The following SALL3 variants were observed in gnomAD, a reference collection of about 807,000 sequenced individuals.
SALL3 encodes the protein spalt like transcription factor 3, also known as sal-like protein 3.
A neutral mutation model predicts 66.2 loss-of-function variants in SALL3; 25 were observed. The observed-to-expected ratio is 0.38, with a 90% CI of 0.28 to 0.53. SALL3 has a LOEUF of 0.53. Among genes scored for constraint, SALL3 ranks in the 20% least tolerant of loss-of-function variants. The pLI is 0.85. For missense variants in SALL3, 2,194 were observed against 1,916.5 expected (o/e 1.14, Z -2.70); for synonymous variants, 1,152 against 899.1 (o/e 1.28, Z -5.03).
chr18:78,993,394 A>T lies in SALL3; in HGVS notation c.1403A>T (p.Gln468Leu). 3 of 1,612,684 alleles carry T rather than the reference A, an allele frequency of 1.9e-6. No individual in the cohort carries two copies. Among genetic ancestry groups the T allele is most frequent in the Non-Finnish European group, 2.5e-6 (3 of 1,179,882 alleles). ...STKGNLKVHF[Q>L]RHKEKYPHIQ... ...AAAGGCAACCTGAAGGTGCACTTCC[A>T]GAGGCACAAGGAGAAGTACCCCCAC... The change falls in exon 2 of 3, where the codon CAG (glutamine) becomes CTG (leucine). Residue 468 changes from glutamine (Q) to leucine (L), a missense_variant. Transcript: ENST00000537592.
rs774287520 is a variant in SALL3 at position 78,993,497 on chromosome 18, G to A, written c.1506G>A (p.Ser502=). ...GCTCGGGCATCCCCTACGGCATGTC[G>A]CTGCCCCCCGAGAAGCCCGTGACCA... ...PTCSGIPYGM[S]LPPEKPVTTW... is the part of the protein sequence containing the mutation. Residue 502 remains serine (S), a synonymous_variant, in exon 2 of 3, where the codon TCG becomes TCA. Transcript: ENST00000537592. The A allele has an allele frequency of 6.2e-6, 10 of 1,606,592 alleles. No individual in the cohort carries two copies. In the Admixed American group the frequency reaches 8.5e-5, roughly 14 times the overall value.
At chr18:78,988,600 C>T (rs1340773883) in intron 1 of SALL3, among the ~76,000 whole-genome samples, 1 of 152,162 alleles carries the variant, frequency 6.6e-6, no homozygotes, top group African/African-American at 2.4e-5. Context: ...AATTTCAATT[C>T]CATATGTGAT....
In SALL3 at chr18:78,980,111, C is replaced by T. The variant is rs976060628; in HGVS notation, c.-164C>T. 2.3e-4 allele frequency among the ~76,000 whole-genome samples: 34 copies of T among 146,092 alleles called. No homozygotes were observed. Among genetic ancestry groups the T allele is most frequent in the Non-Finnish European group, 4.1e-4 (27 of 65,766 alleles). On this transcript the variant is annotated 5_prime_UTR_variant, in exon 1 of 3. Coordinates refer to ENST00000537592, the MANE Select transcript of SALL3 (RefSeq NM_171999.4). Reference sequence around the variant, plus strand: ...ATCGGCGCGGCCCTCCGCTAATGGCCATGCATTATTCACCAGCCTAATTGC... The same window carrying T: ...ATCGGCGCGGCCCTCCGCTAATGGCTATGCATTATTCACCAGCCTAATTGC...
intron 2 of SALL3, among the ~76,000 whole-genome samples, chr18:78,996,181 C>G (rs1307295166): frequency 1.3e-5 from 2 of 152,198 alleles, no homozygotes; most frequent in Admixed American, 1.3e-4. Context: ...GTGCAGTGTT[C>G]CTGTATGAGA....
chr18:78,998,178 C>G lies in SALL3; in HGVS notation c.*856C>G, dbSNP rs912077361. ...GTTGTGAGAAAATATTTCACATTAT[C>G]AAAGCTGTACAATAAAAAGGTAATG... On this transcript the variant is annotated 3_prime_UTR_variant, in exon 3 of 3. Coordinates refer to ENST00000537592, the MANE Select transcript of SALL3 (RefSeq NM_171999.4). 1 of 152,390 alleles carries G rather than the reference C, an allele frequency of 6.6e-6. No individual in the cohort carries two copies. Among genetic ancestry groups the G allele is most frequent in the Non-Finnish European group, 1.5e-5 (1 of 68,022 alleles). The allele number at this position is 152,390 out of a possible 1,614,324, so 9.4% of individuals were successfully genotyped here.
chr18:78,996,789 G>T, intron 2 of SALL3, 102 bp from the exon 3 acceptor site: 2 of 1,205,006 alleles, frequency 1.7e-6, no homozygotes, highest in Non-Finnish European at 2.3e-6. Flanking sequence ...CGTAAGTCGC[G>T]CTTGGGAGCG....
intron 1 of SALL3, among the ~76,000 whole-genome samples, chr18:78,984,289 G>A (rs1258817284): frequency 1.3e-5 from 2 of 152,102 alleles, no homozygotes; most frequent in East Asian, 3.8e-4. Flanking sequence ...ACCATTAGTT[G>A]GAATTTAGCA....
Position 78,992,429 on chromosome 18 carries a change from G to T in SALL3, c.438G>T (p.Arg146=). The change falls in exon 2 of 3, where the codon CGG becomes CGT. Residue 146 remains arginine, a synonymous_variant. Transcript: ENST00000537592. The part of the protein sequence containing the change: ...AEPAGDTRAP[R]PPPAAPAPPT... ...CCGCGGGGGACACGCGCGCGCCCCG[G>T]CCCCCGCCTGCGGCCCCTGCACCCC... 7.4e-7 allele frequency: 1 copy of T among 1,352,482 alleles called. No homozygotes were observed. Among genetic ancestry groups the T allele is most frequent in the Non-Finnish European group, 9.4e-7 (1 of 1,061,542 alleles). 83.8% of individuals were successfully genotyped at this position (1,352,482 alleles called of 1,614,324 possible). A position where few individuals can be genotyped will look rare whatever the true frequency, so the allele number is the denominator to read the frequency against.
intron 2 of SALL3, 90 bp from the exon 3 acceptor site, chr18:78,996,801 G>A (rs969450491): frequency 2.7e-5 from 37 of 1,349,580 alleles, no homozygotes; most frequent in Non-Finnish European, 3.6e-5. Context: ...TTGGGAGCGG[G>A]GTGGACCTCT....
Position 78,997,842 on chromosome 18 carries a change from G to A in SALL3, c.*520G>A, listed in dbSNP as rs1321245004. On this transcript the variant is annotated 3_prime_UTR_variant, in exon 3 of 3. Transcript: ENST00000537592. ...GGGTAACAGACAATATAATAGCCCC[G>A]ACCTTAAACGAAGCTTTTGTACTGC... 6.5e-6 allele frequency: 1 copy of A among 153,576 alleles called. No homozygotes were observed. Among genetic ancestry groups the A allele is most frequent in the Non-Finnish European group, 1.5e-5 (1 of 68,926 alleles). The allele number at this position is 153,576 out of a possible 1,614,324, so 9.5% of individuals were successfully genotyped here. A position where few individuals can be genotyped will look rare whatever the true frequency, so the allele number is the denominator to read the frequency against.
intron 1 of SALL3, chr18:78,991,669 ATTAGT>A (rs1914439239): frequency 5.4e-6 from 1 of 185,814 alleles, no homozygotes; most frequent in East Asian, 1.3e-4. Flanking sequence ...AAGGTTACAG[ATTAGT>A]TTAGCAATGT....
chr18:78,992,421 G>T lies in SALL3; in HGVS notation c.430G>T (p.Ala144Ser). ...CGCGGAACCCGCGGGGGACACGCGCGCGCCCCGGCCCCCGCCTGCGGCCCC... is the reference window on the plus strand; with the variant it reads ...CGCGGAACCCGCGGGGGACACGCGCTCGCCCCGGCCCCCGCCTGCGGCCCC... The part of the protein sequence containing the change: ...MDAEPAGDTR[A>S]PRPPPAAPAP... Residue 144 changes from alanine (A) to serine (S), a missense_variant, in exon 2 of 3, where the codon GCG becomes TCG. Physicochemically the swap from Ala to Ser is moderately conservative, Grantham distance 99. Coordinates refer to ENST00000537592, the MANE Select transcript of SALL3 (RefSeq NM_171999.4). 9 of 1,336,630 alleles carry T rather than the reference G, an allele frequency of 6.7e-6. No individual in the cohort carries two copies. Among genetic ancestry groups the T allele is most frequent in the African/African-American group, 1.6e-5 (1 of 63,380 alleles). The allele number at this position is 1,336,630 out of a possible 1,614,324, so 82.8% of individuals were successfully genotyped here. A position where few individuals can be genotyped will look rare whatever the true frequency, so the allele number is the denominator to read the frequency against.
At chr18:78,989,674 A>G (rs1914360721) in intron 1 of SALL3, among the ~76,000 whole-genome samples, 2 of 152,238 alleles carry the variant, frequency 1.3e-5, no homozygotes. Context: ...TATAAGTTAT[A>G]CATTTTATCT....
Position 78,992,467 on chromosome 18 carries a change from A to T in SALL3, c.476A>T (p.Tyr159Phe), listed in dbSNP as rs771761995. The T allele has an allele frequency of 1.1e-5, 16 of 1,443,148 alleles. No homozygotes were observed. The highest frequency in any genetic ancestry group is 1.4e-5 in the Non-Finnish European group (15 of 1,102,812). 89.4% of individuals were successfully genotyped at this position (1,443,148 alleles called of 1,614,324 possible). A position where few individuals can be genotyped will look rare whatever the true frequency, so the allele number is the denominator to read the frequency against. Residue 159 changes from tyrosine (Y) to phenylalanine (F), a missense_variant, in exon 2 of 3, where the codon TAC becomes TTC. Transcript: ENST00000537592. ...PAAPAPPTPAYGAPSTNVTLE... is the reference protein window; with the variant it reads ...PAAPAPPTPAFGAPSTNVTLE... ...GCCCCTGCACCCCCAACGCCCGCCT[A>T]CGGCGCGCCCAGCACCAACGTGACC...
chr18:78,988,061 G>A (rs1447210637), intron 1 of SALL3, among the ~76,000 whole-genome samples: 4 of 152,146 alleles, frequency 2.6e-5, no homozygotes, highest in Non-Finnish European at 4.4e-5. Context: ...ACAGTGCCTC[G>A]CTGACATGGT....
Position 78,997,103 on chromosome 18 carries a change from CGAG to C in SALL3, c.3685_3687del (p.Glu1229del), listed in dbSNP as rs773515942. On this transcript the variant is annotated inframe_deletion, in exon 3 of 3. Coordinates refer to ENST00000537592, the MANE Select transcript of SALL3 (RefSeq NM_171999.4). Reference sequence around the variant, plus strand: ...CTAACGGGCTCGCCATGAAGAACAACGAGATCTCCGTCATCCAGAACGGCGGCA... The same window carrying C: ...CTAACGGGCTCGCCATGAAGAACAACATCTCCGTCATCCAGAACGGCGGCA... 3.1e-6 allele frequency: 5 copies of C among 1,613,988 alleles called. No individual in the cohort carries two copies. Among genetic ancestry groups the C allele is most frequent in the African/African-American group, 2.7e-5 (2 of 74,906 alleles).
chr18:78,989,506 C>G (rs1914355256), intron 1 of SALL3, among the ~76,000 whole-genome samples: 1 of 152,198 alleles, frequency 6.6e-6, no homozygotes, highest in African/African-American at 2.4e-5. Flanking sequence ...ACACTAAACT[C>G]ACTTGAAATG....
Position 78,995,456 on chromosome 18 carries a change from C to T in SALL3, c.3465C>T (p.Asn1155=), listed in dbSNP as rs1599183579. The change falls in exon 2 of 3, where the codon AAC becomes AAT. Residue 1155 remains asparagine (N), a synonymous_variant. Transcript: ENST00000537592. The stretch of plus-strand genomic sequence containing the variant: ...GCCGGGCCTTCACCACTAAGGGCAA[C>T]CTCAAGGTAAGAGCATGGCAGGCTC... ...ICGRAFTTKG[N]LKVHMGTHMW... 1 of 1,559,842 alleles carries T rather than the reference C, an allele frequency of 6.4e-7. No homozygotes were observed. Among genetic ancestry groups the T allele is most frequent in the East Asian group, 2.3e-5 (1 of 44,378 alleles).
intron 1 of SALL3, among the ~76,000 whole-genome samples, chr18:78,986,198 C>T (rs1420813814): frequency 6.6e-6 from 1 of 152,202 alleles, no homozygotes; most frequent in African/African-American, 2.4e-5. Flanking sequence ...TGTCTCCTCC[C>T]GGGTGCTTCA....
Sources: allele counts gnomAD v4.1 joint callset (sites outside exome capture counted in the v4.1 genomes callset), GRCh38; gene constraint gnomAD v4.1.1; transcripts MANE v1.5; gene names NCBI Gene and HGNC (gene_info 2026-07-23, HGNC 2026-07-21).